SPIRE1: variants seen among roughly 807,000 people sequenced by gnomAD.
SPIRE1 encodes protein spire homolog 1.
In SPIRE1, 40 loss-of-function variants were observed where a neutral mutation model predicts 94.1. The observed-to-expected ratio is 0.43, with a 90% CI of 0.33 to 0.55. The LOEUF (loss-of-function observed/expected upper bound fraction) is 0.55, where lower values mean the gene tolerates loss of function less well. Among genes scored for constraint, SPIRE1 ranks in the 20% least tolerant of loss-of-function variants. The pLI is 0.06. For synonymous variants in SPIRE1, 376 were observed against 371.7 expected (o/e 1.01, Z -0.13); for missense variants, 838 against 975.2 (o/e 0.86, Z 1.87).
chr18:12,571,163 T>C (rs563196209), intron 2 of SPIRE1, among the ~76,000 whole-genome samples: 29 of 152,140 alleles, frequency 1.9e-4, no homozygotes, highest in Middle Eastern at 3.4e-3. Context: ...CAACCTCCGC[T>C]TCCTGGGTTC....
At chr18:12,531,214 TA>T (rs1451259579) in intron 4 of SPIRE1, among the ~76,000 whole-genome samples, 9 of 152,144 alleles carry the variant, frequency 5.9e-5, no homozygotes, top group Non-Finnish European at 1.5e-5. Context: ...TCTTATTTCA[TA>T]CCTCAACTTT....
upstream of SPIRE1, among the ~76,000 whole-genome samples, chr18:12,660,162 G>C (rs559358310): frequency 1.1e-4 from 17 of 152,210 alleles, no homozygotes; most frequent in Admixed American, 5.2e-4. Context: ...AGGAATCTAT[G>C]AGCCATTAAC....
intron 2 of SPIRE1, among the ~76,000 whole-genome samples, chr18:12,610,972 G>T (rs963371142): frequency 1.3e-5 from 2 of 151,254 alleles, no homozygotes; most frequent in Admixed American, 1.3e-4. Context: ...GTGCAAAGCC[G>T]AGTCCCCATT....
chr18:12,633,393 A>G (rs1490104318), intron 2 of SPIRE1, among the ~76,000 whole-genome samples: 11 of 152,118 alleles, frequency 7.2e-5, no homozygotes, highest in East Asian at 1.9e-4. Context: ...CCTGGCCAAC[A>G]TGGTAAAACC....
intron 2 of SPIRE1, among the ~76,000 whole-genome samples, chr18:12,603,328 A>G (rs981804383): frequency 1.3e-5 from 2 of 152,148 alleles, no homozygotes; most frequent in African/African-American, 2.4e-5. Flanking sequence ...GGGAAATGTG[A>G]TATTTTGAAA....
chr18:12,527,445 T>C (rs1266850689), intron 4 of SPIRE1, among the ~76,000 whole-genome samples: 4 of 152,212 alleles, frequency 2.6e-5, no homozygotes, highest in African/African-American at 9.6e-5. Context: ...CCAGGGTTTA[T>C]ATATAAGGAT....
In SPIRE1 at chr18:12,559,895, T is replaced by C. The variant is rs1330429702; in HGVS notation, c.373-12991A>G. Among the ~76,000 whole-genome samples, 5 of 152,112 alleles carry C rather than the reference T, an allele frequency of 3.3e-5. No homozygotes were observed. The highest frequency in any genetic ancestry group is 1.2e-4 in the African/African-American group (5 of 41,418). The stretch of plus-strand genomic sequence containing the variant: ...TATATAAGGACCTCAAACAATTCTA[T>C]AGGAAAAAATCTAATAATCTGATTA... On this transcript the variant is annotated intron_variant, in intron 2 of 16. Transcript: ENST00000409402. The surrounding 1 kb of genome is among the most constrained non-coding windows in gnomAD (Gnocchi z 4.7).
rs1375102311 is a variant in SPIRE1 at position 12,496,033 on chromosome 18, T to C, written c.1042A>G (p.Arg348Gly). 1 of 1,612,112 alleles carries C rather than the reference T, an allele frequency of 6.2e-7. No individual in the cohort carries two copies. The highest frequency in any genetic ancestry group is 1.1e-5 in the South Asian group (1 of 91,032). Residue 348 changes from arginine (R) to glycine (G), a missense_variant, in exon 7 of 17, where the codon AGA becomes GGA. Coordinates refer to ENST00000409402, the MANE Select transcript of SPIRE1 (RefSeq NM_001128626.2). ...TTACATACTGGATTTAAAGGAGGTC[T>C]GGATCTGATGAAGTCGAGGATGATT... ...HEIILDFIRS[R>G]PPLNPVSARK...
chr18:12,603,212 T>C (rs1019638268), intron 2 of SPIRE1, among the ~76,000 whole-genome samples: 1 of 152,218 alleles, frequency 6.6e-6, no homozygotes, highest in African/African-American at 2.4e-5. Context: ...TACAATATGG[T>C]TGTATGGGTA....
At chr18:12,590,745 G>A (rs991510362) in intron 2 of SPIRE1, among the ~76,000 whole-genome samples, 1 of 152,126 alleles carries the variant, frequency 6.6e-6, no homozygotes, top group Non-Finnish European at 1.5e-5. Context: ...TCAAGCGGGG[G>A]CAGGAGCGCT....
At chr18:12,539,109 C>T (rs1338118183) in intron 3 of SPIRE1, among the ~76,000 whole-genome samples, 1 of 152,168 alleles carries the variant, frequency 6.6e-6, no homozygotes, top group Non-Finnish European at 1.5e-5. Flanking sequence ...CAATATTCAC[C>T]AAATGCCAAC....
intron 4 of SPIRE1, among the ~76,000 whole-genome samples, chr18:12,533,346 GT>G (rs11359680): frequency 0.32 from 48,133 of 151,936 alleles, 7,792 homozygotes; most frequent in East Asian, 0.37. Flanking sequence ...CTTTAATAAT[GT>G]TTGAGCCTCT....
chr18:12,529,607 C>A (rs982472758), intron 4 of SPIRE1, among the ~76,000 whole-genome samples: 4 of 152,084 alleles, frequency 2.6e-5, no homozygotes, highest in African/African-American at 9.7e-5. Context: ...AATGACAACC[C>A]ACACCTGTAG....
chr18:12,631,383 T>C (rs1331501285), intron 2 of SPIRE1, among the ~76,000 whole-genome samples: 2 of 151,596 alleles, frequency 1.3e-5, no homozygotes, highest in African/African-American at 4.8e-5. Context: ...GGAATTGTTT[T>C]ACATTTTACA....
chr18:12,628,219 A>T (rs2037683961), intron 2 of SPIRE1, among the ~76,000 whole-genome samples: 1 of 152,134 alleles, frequency 6.6e-6, no homozygotes, highest in Non-Finnish European at 1.5e-5. Context: ...TCCATCTCGA[A>T]TTAATTTTTG....
In SPIRE1 at chr18:12,463,234, C is replaced by G. The variant is rs561278666; in HGVS notation, c.1638+117G>C. Reference sequence around the variant, plus strand: ...TTCTTTAGCTATTAAGTAAGTTATTCAAAATTCATTCTAACTTTTGCAAGT... The same window carrying G: ...TTCTTTAGCTATTAAGTAAGTTATTGAAAATTCATTCTAACTTTTGCAAGT... On this transcript the variant is annotated intron_variant, in intron 12 of 16. Transcript: ENST00000409402. The G allele has an allele frequency of 4.1e-5, 44 of 1,079,142 alleles. No individual in the cohort carries two copies. In the African/African-American group the frequency reaches 6.0e-4, roughly 15 times the overall value. 66.8% of individuals were successfully genotyped at this position (1,079,142 alleles called of 1,614,324 possible).
At chr18:12,654,336 CAAAAAAA>C (rs199897679) in intron 1 of SPIRE1, among the ~76,000 whole-genome samples, 8 of 98,990 alleles carry the variant, frequency 8.1e-5, no homozygotes, top group South Asian at 4.3e-4. Context: ...GACTCCACCT[CAAAAAAA>C]AAAAAAAAAA....
intron 10 of SPIRE1, among the ~76,000 whole-genome samples, chr18:12,470,554 T>C (rs571245083): frequency 1.3e-5 from 2 of 152,244 alleles, no homozygotes; most frequent in South Asian, 2.1e-4. Context: ...TTGGGTAACT[T>C]AGACACTCAG....
At chr18:12,505,383 T>C (rs2033792951) in intron 6 of SPIRE1, among the ~76,000 whole-genome samples, 1 of 151,920 alleles carries the variant, frequency 6.6e-6, no homozygotes, top group Non-Finnish European at 1.5e-5. Context: ...ACTCCATCTC[T>C]ACAAAAAATA....
Sources: gnomAD v4.1 joint callset for allele counts (sites outside exome capture counted in the v4.1 genomes callset) on GRCh38, gnomAD v4.1.1 for gene constraint, Gnocchi (gnomAD v3.1) non-coding constraint, MANE v1.5 for transcripts, NCBI Gene and HGNC (gene_info 2026-07-23, HGNC 2026-07-21) for gene names.